The following RNU4ATAC variants were observed in gnomAD, a reference collection of about 807,000 sequenced individuals.
RNU4ATAC encodes the protein RNA, U4atac small nuclear (U12-dependent splicing).
exon 1 of RNU4ATAC, chr2:121,530,984 T>TA (rs1559535012): frequency 2.9e-6 from 2 of 700,432 alleles, no homozygotes; most frequent in African/African-American, 1.7e-5. Context: ...GCTTTTGCTT[T>TA]ATTTTGGTGC....
In RNU4ATAC at chr2:121,530,981, C is replaced by T. The variant is rs148828161; in HGVS notation, n.101C>T. The stretch of plus-strand genomic sequence containing the variant: ...ACACCCGCATCAACTAGAGCTTTTG[C>T]TTTATTTTGGTGCAATTTTTGGAAA... On this transcript the variant is annotated non_coding_transcript_exon_variant, in exon 1 of 1. Coordinates refer to ENST00000580972, the Ensembl canonical transcript of RNU4ATAC. The T allele has an allele frequency of 1.4e-4, 96 of 700,310 alleles. No individual in the cohort carries two copies. The highest frequency in any genetic ancestry group is 3.8e-4 in the East Asian group (14 of 37,302). 43.4% of individuals were successfully genotyped at this position (700,310 alleles called of 1,614,324 possible).
At position 121,530,990 on chromosome 2, in the gene RNU4ATAC, G is replaced by A. The variant is rs763500364; in HGVS notation, n.110G>A. The A allele has an allele frequency of 1.6e-5, 11 of 700,064 alleles. No homozygotes were observed. The highest frequency in any genetic ancestry group is 6.0e-5 in the Admixed American group (3 of 49,978). 43.4% of individuals were successfully genotyped at this position (700,064 alleles called of 1,614,324 possible). A position where few individuals can be genotyped will look rare whatever the true frequency, so the allele number is the denominator to read the frequency against. On this transcript the variant is annotated non_coding_transcript_exon_variant, in exon 1 of 1. Transcript: ENST00000580972. ...TCAACTAGAGCTTTTGCTTTATTTT[G>A]GTGCAATTTTTGGAAAAATGAAAAC...
exon 1 of RNU4ATAC, chr2:121,530,928 A>T (rs752923122): frequency 1.4e-6 from 1 of 699,860 alleles, no homozygotes; most frequent in Non-Finnish European, 2.6e-6. Flanking sequence ...GCGCATAGTG[A>T]GGGCAGTACT....
exon 1 of RNU4ATAC, chr2:121,530,991 G>C (rs759252092): frequency 7.1e-6 from 5 of 700,236 alleles, no homozygotes; most frequent in Non-Finnish European, 1.3e-5. Context: ...CTTTATTTTG[G>C]TGCAATTTTT....
At chr2:121,530,964 A>T in exon 1 of RNU4ATAC, 1 of 700,464 alleles carries the variant, frequency 1.4e-6, no homozygotes. Context: ...ACACACCCGC[A>T]TCAACTAGAG....
chr2:121,530,982 T>G (rs770336192), exon 1 of RNU4ATAC: 2 of 700,368 alleles, frequency 2.9e-6, no homozygotes, highest in Non-Finnish European at 5.2e-6. Flanking sequence ...GAGCTTTTGC[T>G]TTATTTTGGT....
Position 121,530,951 on chromosome 2 carries a change from A to C in RNU4ATAC, n.71A>C, listed in dbSNP as rs531079609. On this transcript the variant is annotated non_coding_transcript_exon_variant, in exon 1 of 1. Transcript: ENST00000580972. ...TGAGGGCAGTACTGCTAACGCCTGAACAACACACCCGCATCAACTAGAGCT... is the reference window on the plus strand; with the variant it reads ...TGAGGGCAGTACTGCTAACGCCTGACCAACACACCCGCATCAACTAGAGCT... 16 of 700,302 alleles carry C rather than the reference A, an allele frequency of 2.3e-5. No individual in the cohort carries two copies. The highest frequency in any genetic ancestry group is 5.4e-5 in the East Asian group (2 of 37,308). 43.4% of individuals were successfully genotyped at this position (700,302 alleles called of 1,614,324 possible). A position where few individuals can be genotyped will look rare whatever the true frequency, so the allele number is the denominator to read the frequency against.
At chr2:121,530,880 A>C (rs769805188), upstream of RNU4ATAC, 19 of 691,936 alleles carry the variant, frequency 2.7e-5, 1 homozygote, top group South Asian at 2.1e-4. Flanking sequence ...TTTCTATTAT[A>C]ACCATCCTTT....
At chr2:121,530,989 T>G in exon 1 of RNU4ATAC, 3 of 700,404 alleles carry the variant, frequency 4.3e-6, no homozygotes, top group East Asian at 5.4e-5. Flanking sequence ...TGCTTTATTT[T>G]GGTGCAATTT....
exon 1 of RNU4ATAC, chr2:121,531,004 A>G (rs1029551062): frequency 1.6e-5 from 11 of 699,594 alleles, no homozygotes; most frequent in South Asian, 3.0e-5. Context: ...CAATTTTTGG[A>G]AAAATGAAAA....
exon 1 of RNU4ATAC, chr2:121,530,942 A>AACGCCTGAACAACAC (rs1553615641): frequency 1.4e-6 from 1 of 700,302 alleles, no homozygotes. Flanking sequence ...CAGTACTGCT[A>AACGCCTGAACAACAC]ACGCCTGAAC....
At chr2:121,530,936 ACTGCTAACGC>A (rs772783902) in exon 1 of RNU4ATAC, 2 of 700,432 alleles carry the variant, frequency 2.9e-6, no homozygotes, top group South Asian at 3.0e-5. Context: ...TGAGGGCAGT[ACTGCTAACGC>A]CTGAACAACA....
Position 121,530,994 on chromosome 2 carries a change from C to CA in RNU4ATAC, n.116dup, listed in dbSNP as rs752886035. 7.6e-5 allele frequency: 53 copies of CA among 700,076 alleles called. No individual in the cohort carries two copies. Among genetic ancestry groups the CA allele is most frequent in the African/African-American group, 1.8e-5 (1 of 57,128 alleles). The allele number at this position is 700,076 out of a possible 1,614,324, so 43.4% of individuals were successfully genotyped here. A position where few individuals can be genotyped will look rare whatever the true frequency, so the allele number is the denominator to read the frequency against. Reference sequence around the variant, plus strand: ...CTAGAGCTTTTGCTTTATTTTGGTGCAATTTTTGGAAAAATGAAAACCTGT... The same window carrying CA: ...CTAGAGCTTTTGCTTTATTTTGGTGCAAATTTTTGGAAAAATGAAAACCTGT... On this transcript the variant is annotated non_coding_transcript_exon_variant, in exon 1 of 1. Transcript: ENST00000580972.
At position 121,530,912 on chromosome 2, in the gene RNU4ATAC, C is replaced by G; in HGVS notation, n.32C>G. ...CTTTTCTTGGGGTTGCGCTACTGTC[C>G]AATGAGCGCATAGTGAGGGCAGTAC... On this transcript the variant is annotated non_coding_transcript_exon_variant, in exon 1 of 1. Coordinates refer to ENST00000580972, the Ensembl canonical transcript of RNU4ATAC. The G allele has an allele frequency of 8.6e-6, 6 of 699,172 alleles. No individual in the cohort carries two copies. The highest frequency in any genetic ancestry group is 1.6e-5 in the Non-Finnish European group (6 of 383,808). The allele number at this position is 699,172 out of a possible 1,614,324, so 43.3% of individuals were successfully genotyped here.
chr2:121,530,927 GA>G, exon 1 of RNU4ATAC: 1 of 699,952 alleles, frequency 1.4e-6, no homozygotes, highest in Non-Finnish European at 2.6e-6. Context: ...AGCGCATAGT[GA>G]GGGCAGTACT....
rs1431191518 is a variant in RNU4ATAC at position 121,530,973 on chromosome 2, A to G, written n.93A>G. On this transcript the variant is annotated non_coding_transcript_exon_variant, in exon 1 of 1. Transcript: ENST00000580972. ...TGAACAACACACCCGCATCAACTAGAGCTTTTGCTTTATTTTGGTGCAATT... is the reference window on the plus strand; with the variant it reads ...TGAACAACACACCCGCATCAACTAGGGCTTTTGCTTTATTTTGGTGCAATT... 1.7e-5 allele frequency: 12 copies of G among 700,210 alleles called. No individual in the cohort carries two copies. The highest frequency in any genetic ancestry group is 2.9e-5 in the Non-Finnish European group (11 of 384,830). 43.4% of individuals were successfully genotyped at this position (700,210 alleles called of 1,614,324 possible). A position where few individuals can be genotyped will look rare whatever the true frequency, so the allele number is the denominator to read the frequency against.
At chr2:121,530,965 TCAA>T in exon 1 of RNU4ATAC, 1 of 700,432 alleles carries the variant, frequency 1.4e-6, no homozygotes, top group Non-Finnish European at 2.6e-6. Flanking sequence ...CACACCCGCA[TCAA>T]CTAGAGCTTT....
Position 121,530,959 on chromosome 2 carries a change from C to T in RNU4ATAC, n.79C>T, listed in dbSNP as rs753681380. The T allele has an allele frequency of 7.4e-5, 52 of 700,298 alleles. No individual in the cohort carries two copies. The highest frequency in any genetic ancestry group is 1.4e-4 in the African/African-American group (8 of 57,186). The allele number at this position is 700,298 out of a possible 1,614,324, so 43.4% of individuals were successfully genotyped here. On this transcript the variant is annotated non_coding_transcript_exon_variant, in exon 1 of 1. Transcript: ENST00000580972. Reference sequence around the variant, plus strand: ...GTACTGCTAACGCCTGAACAACACACCCGCATCAACTAGAGCTTTTGCTTT... The same window carrying T: ...GTACTGCTAACGCCTGAACAACACATCCGCATCAACTAGAGCTTTTGCTTT...
rs564978047 is a variant in RNU4ATAC, at chr2:121,530,946, C to T, written n.66C>T. 7.9e-5 allele frequency: 55 copies of T among 700,398 alleles called. No homozygotes were observed. Among genetic ancestry groups the T allele is most frequent in the Middle Eastern group, 3.7e-4 (1 of 2,738 alleles). The allele number at this position is 700,398 out of a possible 1,614,324, so 43.4% of individuals were successfully genotyped here. A position where few individuals can be genotyped will look rare whatever the true frequency, so the allele number is the denominator to read the frequency against. On this transcript the variant is annotated non_coding_transcript_exon_variant, in exon 1 of 1. Transcript: ENST00000580972. ...CATAGTGAGGGCAGTACTGCTAACG[C>T]CTGAACAACACACCCGCATCAACTA...
Sources: allele counts gnomAD v4.1 joint callset, GRCh38; gene constraint gnomAD v4.1.1; transcripts MANE v1.5; gene names NCBI Gene and HGNC (gene_info 2026-07-23, HGNC 2026-07-21).